The following PKNOX1 variants were observed in gnomAD, a reference collection of about 807,000 sequenced individuals.
PKNOX1 encodes PBX/knotted 1 homeobox 1, also known as homeobox protein PKNOX1.
A neutral mutation model predicts 51.9 loss-of-function variants in PKNOX1; 15 were observed. The ratio of observed to expected loss-of-function variants is 0.29; its 90% CI spans 0.19 to 0.45. The LOEUF (loss-of-function observed/expected upper bound fraction) is 0.45, where lower values mean the gene tolerates loss of function less well. Ranked by LOEUF, PKNOX1 falls within the 20% of genes least tolerant of loss-of-function variation. PKNOX1 has a pLI of 1.00. For missense variants in PKNOX1, 462 were observed against 547.5 expected (o/e 0.84, Z 1.56); for synonymous variants, 219 against 211.1 (o/e 1.04, Z -0.32).
chr21:42,989,045 C>T (rs1479816603), intron 1 of PKNOX1, among the ~76,000 whole-genome samples: 1 of 152,222 alleles, frequency 6.6e-6, no homozygotes. Context: ...TTTGGCTTCT[C>T]AGGACTTCTT....
intron 1 of PKNOX1, among the ~76,000 whole-genome samples, chr21:42,995,158 G>A (rs997353035): frequency 1.3e-5 from 2 of 151,938 alleles, no homozygotes; most frequent in Non-Finnish European, 2.9e-5. Context: ...CTGACCTCAG[G>A]TAGTCCACCT....
intron 3 of PKNOX1, 65 bp downstream of exon 3, chr21:43,007,683 A>G: frequency 1.3e-6 from 2 of 1,576,288 alleles, no homozygotes; most frequent in South Asian, 2.2e-5. Context: ...AGTTTGTTAA[A>G]AGGAACACCA....
chr21:42,974,840 G>T (rs2058983600), intron 1 of PKNOX1, among the ~76,000 whole-genome samples, 176 bp downstream of exon 1: 1 of 148,742 alleles, frequency 6.7e-6, no homozygotes, highest in Non-Finnish European at 1.5e-5. Flanking sequence ...AGGGGGCGGG[G>T]AGGGGGCGCG....
At chr21:42,981,356 C>T (rs1179498368) in intron 1 of PKNOX1, among the ~76,000 whole-genome samples, 1 of 152,174 alleles carries the variant, frequency 6.6e-6, no homozygotes, top group African/African-American at 2.4e-5. Flanking sequence ...ATGGTAGCTC[C>T]TTGTTTTGGA....
Position 43,030,258 on chromosome 21 carries a change from CA to C in PKNOX1, c.*159del. ...TCTTTGCCGGTGCAGCGACTTCTTTCAAGTGTGTGTGTGTGTGTGTGTGTGT... is the reference window on the plus strand; with the variant it reads ...TCTTTGCCGGTGCAGCGACTTCTTTCAGTGTGTGTGTGTGTGTGTGTGTGT... On this transcript the variant is annotated 3_prime_UTR_variant, in exon 11 of 11. Transcript: ENST00000291547. The C allele has an allele frequency of 5.5e-6, 3 of 550,058 alleles. No homozygotes were observed. Among genetic ancestry groups the C allele is most frequent in the South Asian group, 2.5e-5 (1 of 40,646 alleles). The allele number at this position is 550,058 out of a possible 1,614,324, so 34.1% of individuals were successfully genotyped here.
rs138486584 is a variant in PKNOX1, at chr21:43,029,424, G to GTTTTTTTTTTTTTTTTT, written c.1100-461_1100-445dup. On this transcript the variant is annotated intron_variant, in intron 10 of 10. Coordinates refer to ENST00000291547, the MANE Select transcript of PKNOX1 (RefSeq NM_004571.5). Reference sequence around the variant, plus strand: ...TTATTTTTTTTTATTTGTTTGCTTTGTTTTTTTTTTTTTTTTTTTTTGAGA... The same window carrying GTTTTTTTTTTTTTTTTT: ...TTATTTTTTTTTATTTGTTTGCTTTGTTTTTTTTTTTTTTTTTTTTTTTTTTTTTTTTTTTTTTGAGA... Among the ~76,000 whole-genome samples, 120 of 63,286 alleles carry GTTTTTTTTTTTTTTTTT rather than the reference G, an allele frequency of 1.9e-3. 13 individuals are homozygous for GTTTTTTTTTTTTTTTTT. Among genetic ancestry groups the GTTTTTTTTTTTTTTTTT allele is most frequent in the Admixed American group, 2.4e-3 (12 of 4,914 alleles). The allele number at this position is 63,286 out of a possible 152,430, so 41.5% of individuals were successfully genotyped here.
At chr21:43,026,886 G>A (rs935325657) in intron 9 of PKNOX1, among the ~76,000 whole-genome samples, 19 of 152,296 alleles carry the variant, frequency 1.2e-4, no homozygotes, top group Admixed American at 1.2e-3. Flanking sequence ...GAAGCATGGC[G>A]GGATCCGATC....
intron 1 of PKNOX1, among the ~76,000 whole-genome samples, chr21:42,976,450 C>T (rs2058998131): frequency 6.6e-6 from 1 of 152,122 alleles, no homozygotes; most frequent in African/African-American, 2.4e-5. Context: ...TGATGGACTC[C>T]TCCTTTCATG....
At chr21:43,004,264 A>G (rs1054590985) in intron 1 of PKNOX1, 62 bp from the exon 2 acceptor site, 4 of 721,152 alleles carry the variant, frequency 5.5e-6, no homozygotes, top group African/African-American at 3.6e-5. Context: ...ATGTTATGGA[A>G]TGAGGGAGAC....
At chr21:43,002,622 G>T (rs1039759002) in intron 1 of PKNOX1, among the ~76,000 whole-genome samples, 6 of 152,224 alleles carry the variant, frequency 3.9e-5, no homozygotes, top group African/African-American at 1.4e-4. Flanking sequence ...TTTTGTGAGG[G>T]CAGATTGCAC....
rs143988121 is a variant in PKNOX1, at chr21:43,024,623, C to T, written c.850-248C>T. 6.7e-3 allele frequency: 3,118 copies of T among 468,240 alleles called. 16 individuals carry two copies. Among genetic ancestry groups the T allele is most frequent in the Non-Finnish European group, 9.2e-3 (2,397 of 261,418 alleles). 29.0% of individuals were successfully genotyped at this position (468,240 alleles called of 1,614,324 possible). ...ATGATGTCGCTGCTGTTATCGTCAC[C>T]GCTGAACCGTTAAACGTGGGGGGCG... is the stretch of plus-strand genomic sequence containing the variant. On this transcript the variant is annotated intron_variant, in intron 8 of 10. Coordinates refer to ENST00000291547, the MANE Select transcript of PKNOX1 (RefSeq NM_004571.5).
At chr21:43,025,069 C>G (rs1382625566) in intron 9 of PKNOX1, 122 bp downstream of exon 9, 2 of 669,166 alleles carry the variant, frequency 3.0e-6, no homozygotes, top group Admixed American at 5.2e-5. Flanking sequence ...TTTTTCCCAA[C>G]TGAGACGGGG....
chr21:43,024,033 C>T (rs1979882234), intron 8 of PKNOX1, among the ~76,000 whole-genome samples: 1 of 151,980 alleles, frequency 6.6e-6, no homozygotes, highest in Non-Finnish European at 1.5e-5. Context: ...CGCGCCTGGC[C>T]CTCTGGTTGG....
chr21:42,992,422 C>T (rs1048762134), intron 1 of PKNOX1, among the ~76,000 whole-genome samples: 2 of 152,150 alleles, frequency 1.3e-5, no homozygotes, highest in Non-Finnish European at 2.9e-5. Flanking sequence ...GTAGTCTGGT[C>T]ACAGCTAGTG....
chr21:42,994,524 T>G (rs1467536336), intron 1 of PKNOX1, among the ~76,000 whole-genome samples: 1 of 151,142 alleles, frequency 6.6e-6, no homozygotes, highest in Non-Finnish European at 1.5e-5. Context: ...CTATACATTT[T>G]GAAATTCTGA....
intron 7 of PKNOX1, among the ~76,000 whole-genome samples, chr21:43,020,121 C>T (rs867540133): frequency 3.2e-4 from 48 of 151,844 alleles, no homozygotes; most frequent in African/African-American, 8.7e-4. Flanking sequence ...TTTGTAAAGA[C>T]GGGGTCTCAC....
chr21:42,999,232 C>T (rs1197563684), intron 1 of PKNOX1, among the ~76,000 whole-genome samples: 1 of 152,238 alleles, frequency 6.6e-6, no homozygotes, highest in African/African-American at 2.4e-5. Flanking sequence ...TCAGCCACGG[C>T]TGGAGCAGCT....
chr21:43,008,656 G>A (rs1249025141), intron 3 of PKNOX1, among the ~76,000 whole-genome samples: 2 of 152,118 alleles, frequency 1.3e-5, no homozygotes, highest in Non-Finnish European at 2.9e-5. Flanking sequence ...GTGCATGCCT[G>A]TAGTCCCAGC....
chr21:42,977,441 T>C (rs1601260613), intron 1 of PKNOX1, among the ~76,000 whole-genome samples: 1 of 152,332 alleles, frequency 6.6e-6, no homozygotes, highest in East Asian at 1.9e-4. Flanking sequence ...GTGTTGCTTT[T>C]CTGTTAGGTA....
Sources: gnomAD v4.1 joint callset for allele counts (sites outside exome capture counted in the v4.1 genomes callset) on GRCh38, gnomAD v4.1.1 for gene constraint, MANE v1.5 for transcripts, NCBI Gene and HGNC (gene_info 2026-07-23, HGNC 2026-07-21) for gene names.